GRIA4: variants seen among roughly 807,000 people sequenced by gnomAD.
GRIA4 encodes glutamate ionotropic receptor AMPA type subunit 4, also known as glutamate receptor 4.
Under a neutral mutation model 104.0 loss-of-function variants are expected in GRIA4, and 34 were observed. The ratio of observed to expected loss-of-function variants is 0.33; its 90% CI spans 0.25 to 0.44. GRIA4 has a LOEUF of 0.44. Ranked by LOEUF, GRIA4 falls within the 20% of genes least tolerant of loss-of-function variation. The pLI, the probability that GRIA4 is intolerant of heterozygous loss-of-function variation, is 1.00. For synonymous variants in GRIA4, 386 were observed against 381.9 expected (o/e 1.01, Z -0.13); for missense variants, 750 against 1,096.5 (o/e 0.68, Z 4.46).
In GRIA4 at chr11:105,796,405, C is replaced by T. The variant is rs530373749; in HGVS notation, c.487+43185C>T. Among the ~76,000 whole-genome samples, 8 of 152,260 alleles carry T rather than the reference C, an allele frequency of 5.3e-5. No homozygotes were observed. In the East Asian group the frequency reaches 1.3e-3, roughly 26 times the overall value. On this transcript the variant is annotated intron_variant, in intron 4 of 16. Coordinates refer to ENST00000282499, the MANE Select transcript of GRIA4 (RefSeq NM_000829.4). ...GCAGCAGTTAGTGAGATTTGGAAAC[C>T]ATGTGAGCTGGCCTCTCAGAGCATC...
In GRIA4 at chr11:105,666,153, A is replaced by G. The variant is rs530612560; in HGVS notation, c.247+53719A>G. The stretch of plus-strand genomic sequence containing the variant: ...AATAACTTTAAACCATGGCCTCTGA[A>G]CCATTGCTTCTCTTTCTCAAAGAAA... On this transcript the variant is annotated intron_variant, in intron 3 of 16. Coordinates refer to ENST00000282499, the MANE Select transcript of GRIA4 (RefSeq NM_000829.4). 6.6e-5 allele frequency among the ~76,000 whole-genome samples: 10 copies of G among 152,134 alleles called. No individual in the cohort carries two copies. In the South Asian group the frequency reaches 1.4e-3, roughly 22 times the overall value.
At chr11:105,886,219 A>G (rs1946251379) in intron 5 of GRIA4, among the ~76,000 whole-genome samples, 1 of 151,994 alleles carries the variant, frequency 6.6e-6, no homozygotes, top group South Asian at 2.1e-4. Context: ...GTGGGTACAT[A>G]GTAGTATATA....
chr11:105,710,059 A>AT (rs1412379749), intron 3 of GRIA4, among the ~76,000 whole-genome samples: 2 of 152,184 alleles, frequency 1.3e-5, no homozygotes, highest in African/African-American at 2.4e-5. Context: ...AGCATGTAGC[A>AT]TATCCTTAGT....
chr11:105,673,317 G>A (rs1952433612), intron 3 of GRIA4, among the ~76,000 whole-genome samples: 1 of 152,092 alleles, frequency 6.6e-6, no homozygotes, highest in Admixed American at 6.6e-5. Context: ...CCATGGATTT[G>A]ACTAAGTGCC....
chr11:105,788,673 A>G (rs1942081216), intron 4 of GRIA4, among the ~76,000 whole-genome samples: 1 of 152,202 alleles, frequency 6.6e-6, no homozygotes, highest in East Asian at 1.9e-4. Context: ...GTTCTCACTT[A>G]TAAGTGGGAG....
At chr11:105,794,043 C>T (rs1942341505) in intron 4 of GRIA4, among the ~76,000 whole-genome samples, 1 of 151,684 alleles carries the variant, frequency 6.6e-6, no homozygotes, top group Admixed American at 6.6e-5. Context: ...TGAGCAAACA[C>T]AAAGAGATGT....
intron 3 of GRIA4, among the ~76,000 whole-genome samples, chr11:105,631,773 G>T (rs1951041471): frequency 6.6e-6 from 1 of 152,186 alleles, no homozygotes; most frequent in Non-Finnish European, 1.5e-5. Flanking sequence ...TATGAATAAG[G>T]TGATAAGTAT....
intron 5 of GRIA4, among the ~76,000 whole-genome samples, chr11:105,866,151 G>A (rs781263470): frequency 7.9e-5 from 12 of 152,062 alleles, no homozygotes; most frequent in Non-Finnish European, 1.2e-4. Context: ...TTTTTAAAAC[G>A]TAAATGGAAT....
intron 13 of GRIA4, among the ~76,000 whole-genome samples, chr11:105,931,359 A>G (rs1182198911): frequency 1.3e-5 from 2 of 152,046 alleles, no homozygotes; most frequent in African/African-American, 2.4e-5. Flanking sequence ...AAACATTATA[A>G]AAAATACTAA....
intron 3 of GRIA4, among the ~76,000 whole-genome samples, chr11:105,694,506 ATAT>A (rs1487733933): frequency 2.0e-5 from 3 of 152,076 alleles, no homozygotes; most frequent in Admixed American, 6.6e-5. Context: ...TCAACCTACG[ATAT>A]TATCATTTTA....
intron 16 of GRIA4, among the ~76,000 whole-genome samples, chr11:105,977,027 C>G (rs1859015920): frequency 6.6e-6 from 1 of 151,924 alleles, no homozygotes; most frequent in Admixed American, 6.6e-5. Flanking sequence ...TGGAAGTTTT[C>G]CTTTCCCCAC....
chr11:105,712,075 T>C (rs1241830166), intron 3 of GRIA4, among the ~76,000 whole-genome samples: 1 of 152,100 alleles, frequency 6.6e-6, no homozygotes, highest in Non-Finnish European at 1.5e-5. Flanking sequence ...AATTTATGTA[T>C]TTATGTATGT....
chr11:105,650,925 G>A (rs968574729), intron 3 of GRIA4, among the ~76,000 whole-genome samples: 2 of 151,938 alleles, frequency 1.3e-5, no homozygotes, highest in African/African-American at 4.8e-5. Flanking sequence ...AGATTATATC[G>A]GTCAACAGGG....
At chr11:105,844,684 T>A (rs192894953) in intron 4 of GRIA4, among the ~76,000 whole-genome samples, 1 of 152,322 alleles carries the variant, frequency 6.6e-6, no homozygotes, top group Non-Finnish European at 1.5e-5. Context: ...CAGGTAATGG[T>A]TCCTTTATCT....
At chr11:105,789,649 A>G (rs1028842714) in intron 4 of GRIA4, among the ~76,000 whole-genome samples, 2 of 152,126 alleles carry the variant, frequency 1.3e-5, no homozygotes, top group African/African-American at 4.8e-5. Context: ...CTGGAAAGTT[A>G]TTAGAGTCAA....
intron 3 of GRIA4, among the ~76,000 whole-genome samples, chr11:105,668,222 AAT>A (rs1555095706): frequency 4.2e-4 from 57 of 137,240 alleles, no homozygotes; most frequent in African/African-American, 1.3e-3. Flanking sequence ...ACACACATAT[AAT>A]ATATATATAT....
At chr11:105,718,344 A>G (rs1266891217) in intron 3 of GRIA4, among the ~76,000 whole-genome samples, 1 of 152,206 alleles carries the variant, frequency 6.6e-6, no homozygotes, top group African/African-American at 2.4e-5. Context: ...TTTAATTCAC[A>G]GATGACTGAT....
intron 7 of GRIA4, among the ~76,000 whole-genome samples, chr11:105,899,115 T>C (rs1363887475): frequency 6.6e-6 from 1 of 152,202 alleles, no homozygotes; most frequent in African/African-American, 2.4e-5. Context: ...TAAAAAGTTT[T>C]ATGTATAATT....
intron 3 of GRIA4, among the ~76,000 whole-genome samples, chr11:105,617,965 T>C (rs1198519495): frequency 6.6e-6 from 1 of 151,872 alleles, no homozygotes; most frequent in Non-Finnish European, 1.5e-5. Flanking sequence ...TGGCATGGCA[T>C]CCTAAGGATG....
Sources: gnomAD v4.1 joint callset for allele counts (sites outside exome capture counted in the v4.1 genomes callset) on GRCh38, gnomAD v4.1.1 for gene constraint, MANE v1.5 for transcripts, NCBI Gene and HGNC (gene_info 2026-07-23, HGNC 2026-07-21) for gene names.